The following SLC25A29 variants were observed in gnomAD, a reference collection of about 807,000 sequenced individuals.
SLC25A29 encodes mitochondrial basic amino acids transporter.
Under a neutral mutation model 10.0 loss-of-function variants are expected in SLC25A29, and 13 were observed. The ratio of observed to expected loss-of-function variants is 1.30; its 90% CI spans 0.85 to 2.07. The LOEUF is 2.07. SLC25A29 is among the 30% of genes most tolerant of loss of function. The pLI is 0.00. For synonymous variants in SLC25A29, 244 were observed against 221.1 expected (o/e 1.10, Z -0.92); for missense variants, 475 against 447.6 (o/e 1.06, Z -0.55).
At chr14:100,297,241 GC>G (rs1892228783) in intron 2 of SLC25A29, among the ~76,000 whole-genome samples, 1 of 152,178 alleles carries the variant, frequency 6.6e-6, no homozygotes, top group African/African-American at 2.4e-5. Flanking sequence ...CCCTCCAGAC[GC>G]CAGTGAAGTA....
At chr14:100,290,310 G>C (rs1891635382), downstream of SLC25A29, among the ~76,000 whole-genome samples, 1 of 152,220 alleles carries the variant, frequency 6.6e-6, no homozygotes, top group African/African-American at 2.4e-5. Flanking sequence ...CTGTGCCCAT[G>C]GCCAGGGTGT....
At chr14:100,281,060 CCAAAAAAAAAAAAAAAAA>C in the SLC25A29 span, 9 of 47,776 alleles carry the variant, frequency 1.9e-4, no homozygotes, top group African/African-American at 6.1e-4. Context: ...ACTCCGTCTC[CCAAAAAAAAAAAAAAAAA>C]AAAAAAAAAG....
chr14:100,298,622 C>T, intron 2 of SLC25A29: 1 of 613,280 alleles, frequency 1.6e-6, no homozygotes, highest in Non-Finnish European at 2.9e-6. Context: ...TCGGTTCCAG[C>T]TGGCCAAGCC....
downstream of SLC25A29, among the ~76,000 whole-genome samples, chr14:100,290,092 C>T (rs1033697325): frequency 1.3e-5 from 2 of 152,166 alleles, no homozygotes; most frequent in African/African-American, 4.8e-5. Context: ...TGGAGAAGCC[C>T]CAGGGTGAGC....
intron 2 of SLC25A29, chr14:100,294,529 G>C (rs1892005771): frequency 6.6e-6 from 1 of 152,242 alleles, no homozygotes; most frequent in African/African-American, 2.4e-5. Context: ...ACAGGGGAGG[G>C]CTTCACACTC....
At chr14:100,293,101 CG>C in intron 3 of SLC25A29, 69 bp from the exon 4 acceptor site, 2 of 1,465,196 alleles carry the variant, frequency 1.4e-6, no homozygotes, top group Non-Finnish European at 1.8e-6. Flanking sequence ...GGAAGGGGGT[CG>C]GGGGATGGCA....
At chr14:100,298,792 C>A in intron 2 of SLC25A29, 50 bp downstream of exon 2, 1 of 1,613,086 alleles carries the variant, frequency 6.2e-7, no homozygotes. Context: ...ACCCTGTGAG[C>A]CTCTCTCCAA....
intron 1 of SLC25A29, chr14:100,305,915 T>C: frequency 2.8e-6 from 1 of 356,890 alleles, no homozygotes; most frequent in Non-Finnish European, 5.0e-6. Flanking sequence ...TGGGGCATCC[T>C]CCCGGCAGTC....
chr14:100,297,410 C>G (rs1341262229), intron 2 of SLC25A29, among the ~76,000 whole-genome samples: 1 of 152,158 alleles, frequency 6.6e-6, no homozygotes, highest in East Asian at 1.9e-4. Context: ...GGGCAGAAGC[C>G]CAGCAGGTCT....
At chr14:100,295,488 A>G (rs1021822264) in intron 2 of SLC25A29, 1 of 1,035,790 alleles carries the variant, frequency 9.7e-7, no homozygotes, top group African/African-American at 1.7e-5. Context: ...CCGAGCCCCC[A>G]CCCCAGGACC....
In SLC25A29 at chr14:100,292,507, C is replaced by T. The variant is rs1239749938; in HGVS notation, c.688G>A (p.Gly230Ser). The change falls in exon 4 of 4, where the codon GGC becomes AGC. Residue 230 changes from glycine to serine, a missense_variant. By Grantham distance (56) the Gly-to-Ser change is moderately conservative (BLOSUM62 0). Coordinates refer to ENST00000359232, the MANE Select transcript of SLC25A29 (RefSeq NM_001039355.3). ...DGLRGAPRYR[G>S]ILDCVHQSYR... ...CTCTGGTGCACGCAGTCCAGGATGC[C>T]GCGGTAGCGCGGGGCGCCCCGCAGT... 1.9e-6 allele frequency: 3 copies of T among 1,587,804 alleles called. No individual in the cohort carries two copies. Among genetic ancestry groups the T allele is most frequent in the African/African-American group, 1.3e-5 (1 of 74,554 alleles).
downstream of SLC25A29, among the ~76,000 whole-genome samples, chr14:100,287,795 GCTGATGCAACGAAA>G (rs1396476843): frequency 1.3e-5 from 2 of 152,160 alleles, no homozygotes; most frequent in Admixed American, 6.5e-5. Context: ...GCTCACAGCT[GCTGATGCAACGAAA>G]TAAAGTCAGC....
chr14:100,292,874 G>C lies in SLC25A29; in HGVS notation c.321C>G (p.Cys107Trp). Residue 107 changes from cysteine (C) to tryptophan (W), a missense_variant, in exon 4 of 4, where the codon TGC becomes TGG. Coordinates refer to ENST00000359232, the MANE Select transcript of SLC25A29 (RefSeq NM_001039355.3). Reference sequence around the variant, plus strand: ...CCAGCTCCATGGGGCAGCAGATGACGCACTGGATGGCGCCCGCCGCCGCAC... The same window carrying C: ...CCAGCTCCATGGGGCAGCAGATGACCCACTGGATGGCGCCCGCCGCCGCAC... ...LAGAAAGAIQCVICCPMELAK... is the reference protein window; with the variant it reads ...LAGAAAGAIQWVICCPMELAK... 6.2e-7 allele frequency: 1 copy of C among 1,601,090 alleles called. No homozygotes were observed. The highest frequency in any genetic ancestry group is 8.5e-7 in the Non-Finnish European group (1 of 1,175,716).
At chr14:100,285,422 A>T in the SLC25A29 span, among the ~76,000 whole-genome samples, 1 of 151,464 alleles carries the variant, frequency 6.6e-6, no homozygotes, top group Non-Finnish European at 1.5e-5. Flanking sequence ...CGGCCGCAGG[A>T]GGGCACTGTG....
intron 1 of SLC25A29, chr14:100,305,174 C>G (rs1196355073): frequency 6.9e-6 from 1 of 145,380 alleles, no homozygotes; most frequent in Non-Finnish European, 1.5e-5. Context: ...TTCAACGAGT[C>G]TCTCCCCCAA....
chr14:100,304,504 C>T (rs1265009839), intron 1 of SLC25A29, among the ~76,000 whole-genome samples: 1 of 152,186 alleles, frequency 6.6e-6, no homozygotes, highest in East Asian at 1.9e-4. Context: ...CTCAGGCTTA[C>T]GCTTGTAGAG....
the SLC25A29 span, among the ~76,000 whole-genome samples, chr14:100,284,037 C>T: frequency 3.3e-5 from 5 of 152,096 alleles, no homozygotes; most frequent in South Asian, 2.1e-4. Flanking sequence ...AGCCACCATG[C>T]GCAGCCCATA....
Position 100,292,683 on chromosome 14 carries a change from G to A in SLC25A29, c.512C>T (p.Thr171Ile). ...ETPSFGVYFLTYDALTRALGC... is the reference protein window; with the variant it reads ...ETPSFGVYFLIYDALTRALGC... ...CAGCGCCCGCGTGAGAGCGTCATAGGTGAGGAAGTAGACGCCGAAGCTGGG... is the reference window on the plus strand; with the variant it reads ...CAGCGCCCGCGTGAGAGCGTCATAGATGAGGAAGTAGACGCCGAAGCTGGG... The change falls in exon 4 of 4, where the codon ACC becomes ATC. Residue 171 changes from threonine to isoleucine, a missense_variant. Coordinates refer to ENST00000359232, the MANE Select transcript of SLC25A29 (RefSeq NM_001039355.3). 2 of 1,603,270 alleles carry A rather than the reference G, an allele frequency of 1.2e-6. No individual in the cohort carries two copies. The highest frequency in any genetic ancestry group is 1.7e-6 in the Non-Finnish European group (2 of 1,176,412).
chr14:100,284,710 A>G, the SLC25A29 span, among the ~76,000 whole-genome samples: 1 of 152,178 alleles, frequency 6.6e-6, no homozygotes, highest in Non-Finnish European at 1.5e-5. Context: ...TGGCACTGGC[A>G]TGACATCTGG....
Sources: allele counts gnomAD v4.1 joint callset (sites outside exome capture counted in the v4.1 genomes callset), GRCh38; gene constraint gnomAD v4.1.1; transcripts MANE v1.5; gene names NCBI Gene and HGNC (gene_info 2026-07-23, HGNC 2026-07-21).